The following RPA1 variants were observed in gnomAD, a reference collection of about 807,000 sequenced individuals.
The protein encoded by RPA1 is replication protein A1, also known as replication protein A 70 kDa DNA-binding subunit.
In RPA1, 49 loss-of-function variants were observed where a neutral mutation model predicts 83.0. That is an observed-to-expected ratio of 0.59 (90% CI 0.47 to 0.75). The LOEUF (loss-of-function observed/expected upper bound fraction) is 0.75. Ranked by LOEUF, RPA1 falls within the 30% of genes least tolerant of loss-of-function variation. RPA1 has a pLI of 0.00. For synonymous variants in RPA1, 279 were observed against 281.8 expected (o/e 0.99, Z 0.10); for missense variants, 693 against 776.1 (o/e 0.89, Z 1.27).
chr17:1,842,676 C>A, intron 1 of RPA1, 127 bp from the exon 2 acceptor site: 1 of 727,680 alleles, frequency 1.4e-6, no homozygotes, highest in Non-Finnish European at 2.3e-6. Flanking sequence ...GATGCTTCAG[C>A]TGACAGGCTC....
intron 4 of RPA1, among the ~76,000 whole-genome samples, chr17:1,847,352 T>A (rs976078817): frequency 1.3e-5 from 2 of 152,182 alleles, no homozygotes; most frequent in African/African-American, 4.8e-5. Flanking sequence ...CAGGGCATGG[T>A]TGTGGGAGAG....
At chr17:1,841,389 C>T (rs575632512) in intron 1 of RPA1, among the ~76,000 whole-genome samples, 54 of 152,218 alleles carry the variant, frequency 3.5e-4, no homozygotes, top group African/African-American at 1.2e-3. Flanking sequence ...CTGCAACCTC[C>T]GCCTCCTGGG....
intron 1 of RPA1, 138 bp from the exon 2 acceptor site, chr17:1,842,665 A>T: frequency 1.5e-6 from 1 of 682,220 alleles, no homozygotes; most frequent in Non-Finnish European, 2.6e-6. Context: ...GTGATAAACT[A>T]GATGCTTCAG....
chr17:1,890,288 C>T (rs1363453069), intron 14 of RPA1, among the ~76,000 whole-genome samples: 5 of 152,024 alleles, frequency 3.3e-5, no homozygotes, highest in African/African-American at 7.2e-5. Flanking sequence ...CGCTTGAGCC[C>T]GAGAGGTCAA....
intron 5 of RPA1, among the ~76,000 whole-genome samples, chr17:1,860,487 T>C (rs1912910503): frequency 1.3e-5 from 2 of 152,356 alleles, no homozygotes; most frequent in South Asian, 4.1e-4. Flanking sequence ...AGTTCACTAA[T>C]GGTTTCTCAG....
chr17:1,834,159 G>A (rs1002314463), intron 1 of RPA1, among the ~76,000 whole-genome samples: 3 of 152,100 alleles, frequency 2.0e-5, no homozygotes, highest in African/African-American at 4.8e-5. Flanking sequence ...CAGACTGGGC[G>A]ACAGAGTGAG....
At chr17:1,882,802 G>A (rs1913846583) in intron 12 of RPA1, among the ~76,000 whole-genome samples, 1 of 152,216 alleles carries the variant, frequency 6.6e-6, no homozygotes, top group Non-Finnish European at 1.5e-5. Flanking sequence ...GCTGCTGCCT[G>A]AGAATGAGCA....
chr17:1,841,367 G>A (rs766141888), intron 1 of RPA1, among the ~76,000 whole-genome samples: 2 of 152,064 alleles, frequency 1.3e-5, no homozygotes, highest in South Asian at 2.1e-4. Flanking sequence ...GCAGTGGTGC[G>A]ATCTCAGCTC....
intron 2 of RPA1, 40 bp from the exon 3 acceptor site, chr17:1,843,880 G>A: frequency 6.4e-7 from 1 of 1,574,004 alleles, no homozygotes; most frequent in Non-Finnish European, 8.7e-7. Flanking sequence ...CTGGGGACGG[G>A]GCAGACAACC....
intron 1 of RPA1, among the ~76,000 whole-genome samples, chr17:1,840,034 C>G (rs868690528): frequency 6.6e-6 from 1 of 151,912 alleles, no homozygotes; most frequent in Non-Finnish European, 1.5e-5. Flanking sequence ...CTCAAGCGAT[C>G]CTCCTGTCTC....
intron 5 of RPA1, chr17:1,858,532 C>A: frequency 2.7e-6 from 2 of 754,434 alleles, no homozygotes; most frequent in South Asian, 3.0e-5. Context: ...GGCACAATCT[C>A]GGCTCACTGC....
At chr17:1,834,969 C>A (rs1421468145) in intron 1 of RPA1, among the ~76,000 whole-genome samples, 1 of 152,072 alleles carries the variant, frequency 6.6e-6, no homozygotes, top group South Asian at 2.1e-4. Context: ...TCAAGTGATT[C>A]TTTTGCCTCT....
chr17:1,856,559 A>C (rs1047729158), intron 5 of RPA1, among the ~76,000 whole-genome samples: 2 of 152,164 alleles, frequency 1.3e-5, no homozygotes, highest in African/African-American at 4.8e-5. Flanking sequence ...AGATCATGCC[A>C]CGGGCACTCC....
At chr17:1,844,488 C>T in intron 3 of RPA1, 90 bp from the exon 4 acceptor site, 2 of 898,800 alleles carry the variant, frequency 2.2e-6, no homozygotes, top group South Asian at 3.2e-5. Context: ...ATATGTAAGG[C>T]ATTTTTCTTT....
chr17:1,873,787 G>A (rs894594234), intron 6 of RPA1, among the ~76,000 whole-genome samples: 4 of 151,662 alleles, frequency 2.6e-5, no homozygotes, highest in African/African-American at 7.3e-5. Context: ...TCAGGAGTTC[G>A]AGACTAGCTA....
chr17:1,883,373 G>A lies in RPA1; in HGVS notation c.1242-439G>A, dbSNP rs1040155331. Among the ~76,000 whole-genome samples the A allele has an allele frequency of 4.6e-5, 7 of 152,188 alleles. 1 individual carries two copies. The East Asian group carries it at 1.2e-3, about 25-fold the overall frequency. ...AGACGGGGTTTCACCATGTTGGCCA[G>A]GATAGTCTTGATCTCTTGACCTCGT... On this transcript the variant is annotated intron_variant, in intron 12 of 16. Coordinates refer to ENST00000254719, the MANE Select transcript of RPA1 (RefSeq NM_002945.5).
chr17:1,874,032 T>TACACACACACACAC (rs67199303), intron 6 of RPA1, among the ~76,000 whole-genome samples: 15 of 79,250 alleles, frequency 1.9e-4, no homozygotes, highest in African/African-American at 8.8e-4. Context: ...TATATATATA[T>TACACACACACACAC]ACACACACAC....
chr17:1,832,948 A>G (rs1911677727), intron 1 of RPA1, among the ~76,000 whole-genome samples: 1 of 151,968 alleles, frequency 6.6e-6, no homozygotes, highest in African/African-American at 2.4e-5. Flanking sequence ...TTGTTTTGAG[A>G]CAGAGTCTTG....
Position 1,880,571 on chromosome 17 carries a change from C to T in RPA1, c.1121C>T (p.Pro374Leu). The stretch of plus-strand genomic sequence containing the variant: ...GATAAATTTGATGGTTCTAGACAGC[C>T]CGTGTTGGCTATCAAAGGAGCCCGA... ...DADKFDGSRQPVLAIKGARVS... is the reference protein window; with the variant it reads ...DADKFDGSRQLVLAIKGARVS... The change falls in exon 12 of 17, where the codon CCC becomes CTC. Residue 374 changes from proline (P) to leucine (L), a missense_variant. Physicochemically the swap from Pro to Leu is moderately conservative, Grantham distance 98. Transcript: ENST00000254719. 2 of 1,613,840 alleles carry T rather than the reference C, an allele frequency of 1.2e-6. No homozygotes were observed. Among genetic ancestry groups the T allele is most frequent in the Non-Finnish European group, 1.7e-6 (2 of 1,179,952 alleles).
Sources: gnomAD v4.1 joint callset for allele counts (sites outside exome capture counted in the v4.1 genomes callset) on GRCh38, gnomAD v4.1.1 for gene constraint, MANE v1.5 for transcripts, NCBI Gene and HGNC (gene_info 2026-07-23, HGNC 2026-07-21) for gene names.